FBXW5: variants seen among roughly 807,000 people sequenced by gnomAD.
FBXW5 encodes F-box/WD repeat-containing protein 5.
In FBXW5, 74 loss-of-function variants were observed where a neutral mutation model predicts 50.9. That is an observed-to-expected ratio of 1.45 (90% CI 1.20 to 1.76). FBXW5 has a LOEUF of 1.76. Among genes scored for constraint, FBXW5 ranks in the 40% most tolerant of loss-of-function variants. The pLI is 0.00. For synonymous variants in FBXW5, 523 were observed against 362.2 expected (o/e 1.44, Z -5.04); for missense variants, 1,073 against 818.8 (o/e 1.31, Z -3.79).
At position 136,941,408 on chromosome 9, in the gene FBXW5, T is replaced by C. The variant is rs753006959; in HGVS notation, c.1300A>G (p.Met434Val). The C allele has an allele frequency of 1.2e-6, 2 of 1,610,644 alleles. No homozygotes were observed. The highest frequency in any genetic ancestry group is 2.2e-5 in the East Asian group (1 of 44,874). Residue 434 changes from methionine to valine, a missense_variant, in exon 8 of 9, where the codon ATG (methionine) becomes GTG (valine). Coordinates refer to ENST00000325285, the MANE Select transcript of FBXW5 (RefSeq NM_018998.4). ...WPNGAVVADP[M>V]QPPPIAEEID... ...TCCTCCGCGATTGGTGGCGGCTGCA[T>C]GGGGTCGGCCACCACCGCACCGTTG... is the stretch of plus-strand genomic sequence containing the variant.
At chr9:136,941,992 G>A (rs1247452534) in intron 6 of FBXW5, 54 bp downstream of exon 6, 12 of 1,532,948 alleles carry the variant, frequency 7.8e-6, no homozygotes, top group East Asian at 6.9e-5. Flanking sequence ...ACCCCTGCCC[G>A]GCCTCCCCCA....
In FBXW5 at chr9:136,941,152, C is replaced by T. The variant is rs761000831; in HGVS notation, c.1477G>A (p.Gly493Ser). ...FVASGAEDRH[G>S]YIWDRHYNIC... is the part of the protein sequence containing the mutation. ...TTGTAGTGGCGGTCCCAGATGTAGC[C>T]GTGCCGGTCCTCCGCCCCGCTGCAG... The change falls in exon 9 of 9, where the codon GGC becomes AGC. Residue 493 changes from glycine to serine, a missense_variant. Transcript: ENST00000325285. 72 of 1,597,796 alleles carry T rather than the reference C, an allele frequency of 4.5e-5. No homozygotes were observed. The highest frequency in any genetic ancestry group is 1.7e-4 in the Admixed American group (10 of 58,658).
In FBXW5 at chr9:136,944,015, C is replaced by T. The variant is rs1425198542; in HGVS notation, c.69G>A (p.Pro23=). 3.7e-6 allele frequency: 6 copies of T among 1,600,354 alleles called. No individual in the cohort carries two copies. The highest frequency in any genetic ancestry group is 5.1e-6 in the Non-Finnish European group (6 of 1,174,434). ...CCAGCCCGGCGGCCAGCACGTCGGC[C>T]GGGCCCAGGCTCAGGAAGATCTGGT... ...LVYQIFLSLG[P]ADVLAAGLVC... The change falls in exon 2 of 9, where the codon CCG becomes CCA. Residue 23 remains proline, a synonymous_variant. Transcript: ENST00000325285.
At chr9:136,943,110 C>A in intron 3 of FBXW5, 167 bp from the exon 4 acceptor site, 1 of 1,163,772 alleles carries the variant, frequency 8.6e-7, no homozygotes, top group South Asian at 1.4e-5. Flanking sequence ...TGGTATAGAG[C>A]GGAGGAGCCT....
Position 136,942,737 on chromosome 9 carries a change from G to GGGGGCA in FBXW5, c.526+26_526+31dup, listed in dbSNP as rs778366386. ...GCTGGACAGGCTGTCGGCGTGGGGC[G>GGGGGCA]GGGGCAGGGTCAACCCGCCGCCCGT... On this transcript the variant is annotated intron_variant, in intron 4 of 8. Coordinates refer to ENST00000325285, the MANE Select transcript of FBXW5 (RefSeq NM_018998.4). The GGGGGCA allele has an allele frequency of 9.9e-6, 16 of 1,611,488 alleles. 1 individual carries two copies. Among genetic ancestry groups the GGGGGCA allele is most frequent in the Admixed American group, 5.0e-5 (3 of 59,894 alleles).
rs1041693784 is a variant in FBXW5, at chr9:136,940,719, G to A, written c.*209C>T. The A allele has an allele frequency of 7.9e-6, 6 of 762,466 alleles. No individual in the cohort carries two copies. The Admixed American group carries it at 8.9e-5, about 11-fold the overall frequency. 47.2% of individuals were successfully genotyped at this position (762,466 alleles called of 1,614,324 possible). On this transcript the variant is annotated 3_prime_UTR_variant, in exon 9 of 9. Transcript: ENST00000325285. ...CCCAAGTTGCCCAGGAGGCCGAGGG[G>A]GCCTTGGGCTCCATCTGCACTGGCC... is the stretch of plus-strand genomic sequence containing the variant.
intron 2 of FBXW5, 68 bp from the exon 3 acceptor site, chr9:136,943,574 G>C (rs1850894201): frequency 3.3e-6 from 5 of 1,535,634 alleles, no homozygotes; most frequent in Non-Finnish European, 4.4e-6. Context: ...AGCCGAGTGT[G>C]GCCCCAGCAG....
Position 136,942,419 on chromosome 9 carries a change from G to A in FBXW5, c.723C>T (p.Ile241=), listed in dbSNP as rs1850815751. The A allele has an allele frequency of 4.4e-6, 7 of 1,603,694 alleles. No homozygotes were observed. Among genetic ancestry groups the A allele is most frequent in the Non-Finnish European group, 6.0e-6 (7 of 1,172,730 alleles). ...GGACGGTGCTGGCATTGAGGTTCTG[G>A]ATCTTGAACAGCCGCTTCACCACGT... ...NVNVVKRLFK[I]QNLNASTVRT... The change falls in exon 6 of 9, where the codon ATC becomes ATT. Residue 241 remains isoleucine, a synonymous_variant. Transcript: ENST00000325285.
rs768666071 is a variant in FBXW5 at position 136,941,183 on chromosome 9, C to A, written c.1458-12G>T. 2 of 1,600,098 alleles carry A rather than the reference C, an allele frequency of 1.2e-6. No individual in the cohort carries two copies. The highest frequency in any genetic ancestry group is 1.1e-5 in the South Asian group (1 of 90,198). Reference sequence around the variant, plus strand: ...GGTCCTCCGCCCCGCTGCAGAACAGCGCCTGGGTGAGCCGGCCGCCCGCCC... The same window carrying A: ...GGTCCTCCGCCCCGCTGCAGAACAGAGCCTGGGTGAGCCGGCCGCCCGCCC... On this transcript the variant is annotated splice_polypyrimidine_tract_variant and intron_variant, in intron 8 of 8. Coordinates refer to ENST00000325285, the MANE Select transcript of FBXW5 (RefSeq NM_018998.4).
intron 6 of FBXW5, 149 bp downstream of exon 6, chr9:136,941,897 G>A (rs1588458777): frequency 7.0e-7 from 1 of 1,437,164 alleles, no homozygotes; most frequent in East Asian, 2.5e-5. Context: ...TCATCCCACA[G>A]GCCCCAGGTC....
At chr9:136,943,546 C>G (rs199680044) in intron 2 of FBXW5, 40 bp from the exon 3 acceptor site, 8 of 1,577,184 alleles carry the variant, frequency 5.1e-6, no homozygotes, top group Non-Finnish European at 6.9e-6. Flanking sequence ...CCGGGCCTTC[C>G]TCGCAGTCAC....
chr9:136,942,542 CG>C lies in FBXW5; in HGVS notation c.675+4del, dbSNP rs774969099. 1 of 1,609,068 alleles carries C rather than the reference CG, an allele frequency of 6.2e-7. No homozygotes were observed. The highest frequency in any genetic ancestry group is 8.5e-7 in the Non-Finnish European group (1 of 1,177,224). On this transcript the variant is annotated splice_donor_region_variant and intron_variant, in intron 5 of 8. Transcript: ENST00000325285. ...GGGCAGCCCCGCCCCTAGCCCCGCA[CG>C]CACCTGGAAGGCATTGTTGAGCCAC... is the stretch of plus-strand genomic sequence containing the variant.
At chr9:136,942,512 C>T in intron 5 of FBXW5, 35 bp downstream of exon 5, 1 of 1,600,688 alleles carries the variant, frequency 6.2e-7, no homozygotes, top group South Asian at 1.1e-5. Flanking sequence ...CGCCAGGCCC[C>T]AGGAGGGCAG....
At chr9:136,943,020 C>T (rs1201387414) in intron 3 of FBXW5, 77 bp from the exon 4 acceptor site, 1 of 1,598,736 alleles carries the variant, frequency 6.3e-7, no homozygotes, top group East Asian at 2.2e-5. Flanking sequence ...AGCCATGAGG[C>T]CCCAGCTCTG....
chr9:136,942,600 G>T lies in FBXW5; in HGVS notation c.622C>A (p.Arg208Ser). 6.2e-7 allele frequency: 1 copy of T among 1,611,108 alleles called. No homozygotes were observed. The highest frequency in any genetic ancestry group is 8.5e-7 in the Non-Finnish European group (1 of 1,179,246). ...ETSLISGNLH[R>S]IGDITSCSVL... ...GAGCAGGAGGTGATATCTCCGATGCGGTGCAGGTTCCCCGAGATGAGGCTG... is the reference window on the plus strand; with the variant it reads ...GAGCAGGAGGTGATATCTCCGATGCTGTGCAGGTTCCCCGAGATGAGGCTG... The change falls in exon 5 of 9, where the codon CGC (arginine) becomes AGC (serine). Residue 208 changes from arginine (R) to serine (S), a missense_variant. Coordinates refer to ENST00000325285, the MANE Select transcript of FBXW5 (RefSeq NM_018998.4).
intron 1 of FBXW5, 178 bp downstream of exon 1, chr9:136,944,416 G>T: frequency 1.2e-6 from 1 of 845,572 alleles, no homozygotes; most frequent in Non-Finnish European, 1.4e-6. Context: ...CTTCCGCCGA[G>T]AGGAAGCTCG....
intron 6 of FBXW5, 121 bp downstream of exon 6, chr9:136,941,925 G>A (rs894992885): frequency 1.2e-5 from 18 of 1,445,840 alleles, no homozygotes; most frequent in Middle Eastern, 2.4e-4. Flanking sequence ...GTGACCCCAG[G>A]GGCGAGTGAA....
intron 1 of FBXW5, 77 bp downstream of exon 1, chr9:136,944,517 G>A: frequency 1.0e-6 from 1 of 984,438 alleles, no homozygotes; most frequent in African/African-American, 1.7e-5. Flanking sequence ...CGCACGGGCG[G>A]CCTCGGGGCT....
At chr9:136,941,929 G>A (rs1850787273) in intron 6 of FBXW5, 117 bp downstream of exon 6, 5 of 1,446,670 alleles carry the variant, frequency 3.5e-6, no homozygotes, top group South Asian at 1.4e-5. Flanking sequence ...CCCCAGGGGC[G>A]AGTGAACGAT....
Sources: gnomAD v4.1 joint callset for allele counts on GRCh38, gnomAD v4.1.1 for gene constraint, MANE v1.5 for transcripts, NCBI Gene and HGNC (gene_info 2026-07-23, HGNC 2026-07-21) for gene names.